Variants in MBNL2 observed in about 807,000 individuals in gnomAD.
MBNL2 encodes muscleblind like splicing regulator 2.
In MBNL2, 17 loss-of-function variants were observed where a neutral mutation model predicts 41.9. The observed-to-expected ratio is 0.41, with a 90% confidence interval of 0.28 to 0.61. The LOEUF (loss-of-function observed/expected upper bound fraction) is 0.61, where lower values mean the gene tolerates loss of function less well. Ranked by LOEUF, MBNL2 falls within the 20% of genes least tolerant of loss-of-function variation. The probability of loss-of-function intolerance (pLI) is 0.35; values close to 1 mark genes in which losing one functional copy is unlikely to be tolerated. For missense variants in MBNL2, 336 were observed against 505.6 expected (o/e 0.66, Z 3.22); for synonymous variants, 195 against 182.9 (o/e 1.07, Z -0.53).
rs61185219 is a variant in MBNL2 at position 97,374,063 on chromosome 13, A to ATTTT, written c.1048+8918_1048+8921dup. 4.1e-3 allele frequency among the ~76,000 whole-genome samples: 258 copies of ATTTT among 63,102 alleles called. 24 individuals carry two copies. The highest frequency in any genetic ancestry group is 5.0e-3 in the Non-Finnish European group (163 of 32,504). 41.4% of individuals were successfully genotyped at this position (63,102 alleles called of 152,430 possible). A position where few individuals can be genotyped will look rare whatever the true frequency, so the allele number is the denominator to read the frequency against. ...CACCTCAAATCCCATCCTCCTTTGC[A>ATTTT]TTTTTTTTTTTTTTTTTTTTTTTTT... On this transcript the variant is annotated intron_variant, in intron 8 of 8. Transcript: ENST00000679496.
the MBNL2 span, among the ~76,000 whole-genome samples, chr13:97,184,444 A>C: frequency 6.6e-6 from 1 of 152,068 alleles, no homozygotes; most frequent in Non-Finnish European, 1.5e-5. Flanking sequence ...TGTCGTCCTC[A>C]TGGTCTCCAA....
chr13:97,391,318 A>G lies in MBNL2; in HGVS notation c.1049-4A>G. On this transcript the variant is annotated splice_polypyrimidine_tract_variant and splice_region_variant and intron_variant, in intron 8 of 8. Transcript: ENST00000679496. ...TAAATCATGCTTGTCTTTCTCTTTA[A>G]CAGATAATTCTGAAATAATCAGCAG... The G allele has an allele frequency of 7.9e-7, 1 of 1,267,318 alleles. No individual in the cohort carries two copies. The highest frequency in any genetic ancestry group is 1.2e-6 in the Non-Finnish European group (1 of 865,424). 78.5% of individuals were successfully genotyped at this position (1,267,318 alleles called of 1,614,324 possible).
At chr13:97,322,029 C>T (rs755958104) in intron 2 of MBNL2, among the ~76,000 whole-genome samples, 1 of 152,186 alleles carries the variant, frequency 6.6e-6, no homozygotes, top group African/African-American at 2.4e-5. Flanking sequence ...ATATAAGTCT[C>T]TGCTATTTTT....
At chr13:97,207,587 C>T in the MBNL2 span, among the ~76,000 whole-genome samples, 3 of 152,136 alleles carry the variant, frequency 2.0e-5, no homozygotes, top group Non-Finnish European at 1.5e-5. Context: ...GATTCAATTA[C>T]CTCCCACCAG....
intron 8 of MBNL2, among the ~76,000 whole-genome samples, chr13:97,376,999 CT>C (rs1166227661): frequency 1.3e-5 from 2 of 152,158 alleles, no homozygotes; most frequent in Non-Finnish European, 1.5e-5. Context: ...TGAGAAAGTG[CT>C]TTAACGGATC....
intron 2 of MBNL2, among the ~76,000 whole-genome samples, chr13:97,308,874 T>C (rs2058345267): frequency 1.3e-5 from 2 of 152,144 alleles, no homozygotes; most frequent in South Asian, 2.1e-4. Flanking sequence ...ACTATGACAA[T>C]GGTCATAACC....
the MBNL2 span, among the ~76,000 whole-genome samples, chr13:97,176,990 A>G: frequency 6.6e-6 from 1 of 152,206 alleles, no homozygotes; most frequent in Non-Finnish European, 1.5e-5. Context: ...AAATGGTGAG[A>G]AATGGATACG....
chr13:97,203,084 C>T, the MBNL2 span, among the ~76,000 whole-genome samples: 2 of 152,126 alleles, frequency 1.3e-5, no homozygotes, highest in African/African-American at 4.8e-5. Flanking sequence ...AAGGATTCAC[C>T]GACAAGGGCT....
chr13:97,242,328 A>G (rs1181585960), intron 1 of MBNL2, among the ~76,000 whole-genome samples: 1 of 152,208 alleles, frequency 6.6e-6, no homozygotes, highest in African/African-American at 2.4e-5. Context: ...CTTGGGCTGC[A>G]TTAGGCAACT....
chr13:97,357,379 A>G, intron 6 of MBNL2, 103 bp from the exon 7 acceptor site: 6 of 953,298 alleles, frequency 6.3e-6, no homozygotes, highest in Non-Finnish European at 1.0e-5. Context: ...GCATCTCCTT[A>G]GCTGTCATTT....
chr13:97,244,450 C>G (rs866327095), intron 1 of MBNL2, among the ~76,000 whole-genome samples: 1 of 152,134 alleles, frequency 6.6e-6, no homozygotes, highest in African/African-American at 2.4e-5. Flanking sequence ...TAAGAGAAAT[C>G]GGGAAACAAA....
intron 2 of MBNL2, among the ~76,000 whole-genome samples, chr13:97,311,944 T>G (rs2058651816): frequency 6.6e-6 from 1 of 152,232 alleles, no homozygotes. Flanking sequence ...ATTCTTGATC[T>G]TATTTTTTCT....
the MBNL2 span, among the ~76,000 whole-genome samples, chr13:97,175,991 C>T: frequency 3.3e-5 from 5 of 152,276 alleles, no homozygotes; most frequent in East Asian, 7.7e-4. Flanking sequence ...ACACTGAATA[C>T]TCAGAAACCC....
chr13:97,303,075 T>C (rs1215513471), intron 2 of MBNL2, among the ~76,000 whole-genome samples: 1 of 152,160 alleles, frequency 6.6e-6, no homozygotes, highest in Admixed American at 6.5e-5. Flanking sequence ...CTCTCTGCAC[T>C]CTTCATATGT....
rs143282816 is a variant in MBNL2 at position 97,298,619 on chromosome 13, C to T, written c.174+22210C>T. Among the ~76,000 whole-genome samples the T allele has an allele frequency of 3.3e-3, 501 of 152,308 alleles. 6 individuals carry two copies. Among genetic ancestry groups the T allele is most frequent in the African/African-American group, 0.011 (478 of 41,568 alleles). On this transcript the variant is annotated intron_variant, in intron 2 of 8. Coordinates refer to ENST00000679496, the MANE Select transcript of MBNL2 (RefSeq NM_001382683.1). ...ATGTCTGTCTCACCTTTTCTTTCTC[C>T]TCCCACAATCATTCTCTAGTTATCT... is the stretch of plus-strand genomic sequence containing the variant.
intron 7 of MBNL2, among the ~76,000 whole-genome samples, chr13:97,359,571 G>A (rs1157322299): frequency 2.6e-5 from 4 of 152,146 alleles, no homozygotes; most frequent in Non-Finnish European, 5.9e-5. Context: ...CTTACGCAAC[G>A]ACCTGATTTT....
intron 2 of MBNL2, among the ~76,000 whole-genome samples, chr13:97,292,469 T>C (rs1279442161): frequency 6.6e-6 from 1 of 152,230 alleles, no homozygotes; most frequent in Non-Finnish European, 1.5e-5. Context: ...CCGTCACTAA[T>C]AGATTTATCT....
At chr13:97,154,792 A>AGGAT in the MBNL2 span, among the ~76,000 whole-genome samples, 73,462 of 146,122 alleles carry the variant, frequency 0.5, 18,717 homozygotes, top group Admixed American at 0.61. Flanking sequence ...AAATGGTATA[A>AGGAT]GGATGGATGG....
At chr13:97,263,973 A>G (rs1180516449) in intron 1 of MBNL2, among the ~76,000 whole-genome samples, 2 of 150,418 alleles carry the variant, frequency 1.3e-5, no homozygotes, top group Non-Finnish European at 3.0e-5. Flanking sequence ...TTTTTCAAGA[A>G]TGCAACAACT....
Sources: gnomAD v4.1 joint callset for allele counts (sites outside exome capture counted in the v4.1 genomes callset) on GRCh38, gnomAD v4.1.1 for gene constraint, MANE v1.5 for transcripts, NCBI Gene and HGNC (gene_info 2026-07-23, HGNC 2026-07-21) for gene names.